Variants in SPAG17 observed in about 807,000 individuals in gnomAD.
SPAG17 encodes sperm-associated antigen 17.
Under a neutral mutation model 273.6 loss-of-function variants are expected in SPAG17, and 169 were observed. The observed-to-expected ratio is 0.62, with a 90% CI of 0.55 to 0.70. The LOEUF (loss-of-function observed/expected upper bound fraction) is 0.70, where lower values mean the gene tolerates loss of function less well. Ranked by LOEUF, SPAG17 falls within the 30% of genes least tolerant of loss-of-function variation. SPAG17 has a pLI of 0.00. For synonymous variants in SPAG17, 825 were observed against 873.2 expected, an observed-to-expected ratio of 0.94 and a Z score of 0.97; for missense variants, 2,557 against 2,627.8, an observed-to-expected ratio of 0.97 and a Z score of 0.59.
At chr1:118,151,097 A>C in intron 2 of SPAG17, 132 bp downstream of exon 2, 1 of 714,556 alleles carries the variant, frequency 1.4e-6, no homozygotes, top group South Asian at 6.2e-5. Flanking sequence ...ATTCTGGCTA[A>C]ATAGTTACTT....
At chr1:118,151,494 G>A (rs2102350653) in intron 1 of SPAG17, 125 bp from the exon 2 acceptor site, 1 of 937,892 alleles carries the variant, frequency 1.1e-6, no homozygotes, top group East Asian at 3.0e-5. Context: ...AGGTGACCTT[G>A]TAATGTATGT....
At chr1:118,099,925 C>G (rs1655955444) in intron 5 of SPAG17, 125 bp from the exon 6 acceptor site, 1 of 759,522 alleles carries the variant, frequency 1.3e-6, no homozygotes, top group Non-Finnish European at 2.1e-6. Context: ...CAAAAATGAT[C>G]CAGTTGGCTG....
At chr1:118,176,919 C>T (rs965728052) in intron 1 of SPAG17, among the ~76,000 whole-genome samples, 10 of 152,132 alleles carry the variant, frequency 6.6e-5, no homozygotes, top group Admixed American at 5.2e-4. Context: ...TACACAAACA[C>T]ATGGAAATTA....
At chr1:118,089,836 G>A (rs1333325849) in intron 10 of SPAG17, among the ~76,000 whole-genome samples, 1 of 152,166 alleles carries the variant, frequency 6.6e-6, no homozygotes, top group East Asian at 1.9e-4. Flanking sequence ...ATCCCCACGT[G>A]TCGAGGGAGG....
Position 118,130,830 on chromosome 1 carries a change from C to T in SPAG17, c.316-15389G>A, listed in dbSNP as rs537343155. On this transcript the variant is annotated intron_variant, in intron 3 of 48. Transcript: ENST00000336338. ...TGAGTGCATATTCTATGCTAGACACCGTACTACAAACATTATTTCATGGGG... is the reference window on the plus strand; with the variant it reads ...TGAGTGCATATTCTATGCTAGACACTGTACTACAAACATTATTTCATGGGG... Among the ~76,000 whole-genome samples, 4 of 152,196 alleles carry T rather than the reference C, an allele frequency of 2.6e-5. No individual in the cohort carries two copies. The East Asian group carries it at 7.7e-4, about 29-fold the overall frequency.
chr1:117,992,497 T>C lies in SPAG17; in HGVS notation c.5330A>G (p.Glu1777Gly), dbSNP rs1433713566. Residue 1777 changes from glutamate (E) to glycine (G), a missense_variant, in exon 36 of 49, where the codon GAG becomes GGG. Physicochemically the swap from Glu to Gly is moderately conservative, Grantham distance 98. Coordinates refer to ENST00000336338, the MANE Select transcript of SPAG17 (RefSeq NM_206996.4). ...GGAAACCTGCAGCCTCAGTTTCACC[T>C]CATTCTTTATGACCTCATGCTGAAT... ...QFIQHEVIKN[E>G]VKLRLQVSLK... 13 of 1,612,248 alleles carry C rather than the reference T, an allele frequency of 8.1e-6. No homozygotes were observed. Among genetic ancestry groups the C allele is most frequent in the Non-Finnish European group, 1.1e-5 (13 of 1,179,344 alleles).
At chr1:118,149,922 A>G (rs1659278709) in intron 3 of SPAG17, among the ~76,000 whole-genome samples, 1 of 152,182 alleles carries the variant, frequency 6.6e-6, no homozygotes, top group South Asian at 2.1e-4. Context: ...ATCCCCTTAT[A>G]CGGAGAATGA....
chr1:118,139,789 G>A (rs977177047), intron 3 of SPAG17, among the ~76,000 whole-genome samples: 1 of 151,906 alleles, frequency 6.6e-6, no homozygotes, highest in African/African-American at 2.4e-5. Context: ...TACAGAGACT[G>A]GGGGGTGGGG....
At chr1:118,003,017 C>G (rs1006631157) in intron 32 of SPAG17, among the ~76,000 whole-genome samples, 7 of 152,130 alleles carry the variant, frequency 4.6e-5, no homozygotes, top group African/African-American at 1.7e-4. Flanking sequence ...GTAAGGCAGG[C>G]CTAGTGGTAA....
intron 38 of SPAG17, among the ~76,000 whole-genome samples, 170 bp downstream of exon 38, chr1:117,990,691 G>A (rs1356246977): frequency 3.3e-5 from 5 of 152,282 alleles, no homozygotes; most frequent in Admixed American, 1.3e-4. Flanking sequence ...AACAATACAG[G>A]CAGAATGACT....
At chr1:118,108,317 A>C (rs915151247) in intron 4 of SPAG17, among the ~76,000 whole-genome samples, 2 of 152,138 alleles carry the variant, frequency 1.3e-5, no homozygotes, top group African/African-American at 4.8e-5. Flanking sequence ...CCAAGCCCCA[A>C]TCATAGGAAA....
intron 3 of SPAG17, among the ~76,000 whole-genome samples, chr1:118,133,543 C>T (rs575240686): frequency 1.8e-4 from 28 of 152,228 alleles, no homozygotes; most frequent in African/African-American, 6.3e-4. Context: ...GCCACTGGTA[C>T]AAGGAGGCAA....
At chr1:118,161,153 A>G (rs1570803747) in intron 1 of SPAG17, among the ~76,000 whole-genome samples, 1 of 152,254 alleles carries the variant, frequency 6.6e-6, no homozygotes, top group East Asian at 1.9e-4. Context: ...CAATGCTTGT[A>G]TCATGAAATA....
chr1:117,968,941 G>A (rs1436594395), intron 46 of SPAG17, among the ~76,000 whole-genome samples: 2 of 152,078 alleles, frequency 1.3e-5, no homozygotes, highest in Non-Finnish European at 2.9e-5. Flanking sequence ...AGCTGCTTAC[G>A]TGTCTTACTC....
chr1:118,008,235 T>G lies in SPAG17; in HGVS notation c.4433-37A>C, dbSNP rs1659112532. 2.5e-6 allele frequency: 4 copies of G among 1,608,238 alleles called. No homozygotes were observed. The East Asian group carries it at 9.0e-5, about 36-fold the overall frequency. ...TGCAAGGTAAGCAGATCTGATAGGA[T>G]GTAGACATTGCAAAACAGACCTCAG... On this transcript the variant is annotated intron_variant, in intron 30 of 48. Transcript: ENST00000336338.
chr1:117,972,053 C>T lies in SPAG17; in HGVS notation c.6142-6G>A. 1 of 1,587,596 alleles carries T rather than the reference C, an allele frequency of 6.3e-7. No homozygotes were observed. Among genetic ancestry groups the T allele is most frequent in the Non-Finnish European group, 8.6e-7 (1 of 1,168,564 alleles). On this transcript the variant is annotated splice_region_variant and splice_polypyrimidine_tract_variant and intron_variant, in intron 44 of 48. Transcript: ENST00000336338. ...CCTCCAACAGAATCTTGCACCTTTGCATTAAGAAAAAATTAATAAAATGGT... is the reference window on the plus strand; with the variant it reads ...CCTCCAACAGAATCTTGCACCTTTGTATTAAGAAAAAATTAATAAAATGGT...
At chr1:118,109,383 TAAAAAAA>T (rs56023474) in intron 4 of SPAG17, among the ~76,000 whole-genome samples, 1 of 116,218 alleles carries the variant, frequency 8.6e-6, no homozygotes, top group African/African-American at 3.4e-5. Flanking sequence ...CCATCTTTAC[TAAAAAAA>T]AAAAAAAAAA....
Position 117,953,801 on chromosome 1 carries a change from C to A in SPAG17, c.*249G>T. 1 of 602,660 alleles carries A rather than the reference C, an allele frequency of 1.7e-6. No homozygotes were observed. The highest frequency in any genetic ancestry group is 2.9e-6 in the Non-Finnish European group (1 of 345,776). The allele number at this position is 602,660 out of a possible 1,614,324, so 37.3% of individuals were successfully genotyped here. ...GTCTAGATATCATCCCACCTGAGTC[C>A]ATGACACTCAGTCTCTTCCCTGTAC... On this transcript the variant is annotated 3_prime_UTR_variant, in exon 49 of 49. Coordinates refer to ENST00000336338, the MANE Select transcript of SPAG17 (RefSeq NM_206996.4).
At chr1:118,143,704 A>C (rs1385980064) in intron 3 of SPAG17, among the ~76,000 whole-genome samples, 2 of 152,126 alleles carry the variant, frequency 1.3e-5, no homozygotes, top group African/African-American at 4.8e-5. Flanking sequence ...AGAATGATAC[A>C]ATCTTCTTGA....
Sources: allele counts gnomAD v4.1 joint callset (sites outside exome capture counted in the v4.1 genomes callset), GRCh38; gene constraint gnomAD v4.1.1; transcripts MANE v1.5; gene names NCBI Gene and HGNC (gene_info 2026-07-23, HGNC 2026-07-21).